The following TAMM41 variants were observed in gnomAD, a reference collection of about 807,000 sequenced individuals.
TAMM41 encodes TAM41 mitochondrial translocator assembly and maintenance homolog.
A neutral mutation model predicts 44.1 loss-of-function variants in TAMM41; 36 were observed. The observed-to-expected ratio is 0.82, with a 90% CI of 0.63 to 1.08. The LOEUF (loss-of-function observed/expected upper bound fraction) is 1.08. TAMM41 is among the 50% of genes least tolerant of loss of function. The pLI, the probability that TAMM41 is intolerant of heterozygous loss-of-function variation, is 0.00. For missense variants in TAMM41, 417 were observed against 404.3 expected, an observed-to-expected ratio of 1.03 and a Z score of -0.27; for synonymous variants, 164 against 153.1, an observed-to-expected ratio of 1.07 and a Z score of -0.53.
the TAMM41 span, among the ~76,000 whole-genome samples, chr3:11,758,322 A>T: frequency 6.6e-6 from 1 of 151,802 alleles, no homozygotes; most frequent in Admixed American, 6.6e-5. Context: ...GAGCAACATG[A>T]TCCGATCTGT....
chr3:11,798,965 AG>A (rs1188737119), intron 7 of TAMM41, among the ~76,000 whole-genome samples: 1 of 152,178 alleles, frequency 6.6e-6, no homozygotes, highest in Non-Finnish European at 1.5e-5. Context: ...CTATAATTCC[AG>A]CACTTTGGGA....
At chr3:11,786,800 C>A (rs1001342793), downstream of TAMM41, among the ~76,000 whole-genome samples, 3 of 151,578 alleles carry the variant, frequency 2.0e-5, no homozygotes, top group African/African-American at 7.3e-5. Flanking sequence ...CACTATGTTG[C>A]CTGGGCTGGT....
intron 1 of TAMM41, among the ~76,000 whole-genome samples, chr3:11,845,423 A>G (rs961211565): frequency 6.6e-6 from 1 of 152,172 alleles, no homozygotes; most frequent in East Asian, 1.9e-4. Flanking sequence ...GAAAACCTCC[A>G]TGGAAGAATG....
chr3:11,736,033 A>C, the TAMM41 span, among the ~76,000 whole-genome samples: 1 of 152,228 alleles, frequency 6.6e-6, no homozygotes, highest in Non-Finnish European at 1.5e-5. Context: ...CCTTCATGTA[A>C]CTGGAGAAGG....
chr3:11,782,892 C>A, the TAMM41 span, among the ~76,000 whole-genome samples: 2 of 152,176 alleles, frequency 1.3e-5, no homozygotes, highest in African/African-American at 4.8e-5. Context: ...GAGATTCAGT[C>A]CTGTGTGTCC....
the TAMM41 span, among the ~76,000 whole-genome samples, chr3:11,785,217 T>C: frequency 1.3e-5 from 2 of 152,170 alleles, no homozygotes; most frequent in African/African-American, 4.8e-5. Context: ...GTTTTGCTGA[T>C]TGGAGACCGT....
At chr3:11,771,986 A>G in the TAMM41 span, among the ~76,000 whole-genome samples, 1 of 152,128 alleles carries the variant, frequency 6.6e-6, no homozygotes, top group Non-Finnish European at 1.5e-5. Flanking sequence ...CATCACCCAA[A>G]TAGTGAACAC....
the TAMM41 span, among the ~76,000 whole-genome samples, chr3:11,781,300 T>C: frequency 6.6e-6 from 1 of 152,158 alleles, no homozygotes; most frequent in Non-Finnish European, 1.5e-5. Flanking sequence ...TGTCCTGTAG[T>C]GTTTGGAAAG....
chr3:11,778,602 TG>T, the TAMM41 span, among the ~76,000 whole-genome samples: 5 of 152,152 alleles, frequency 3.3e-5, no homozygotes, highest in African/African-American at 9.7e-5. Flanking sequence ...AAATAACACT[TG>T]TTTTTTTGTC....
At chr3:11,827,292 T>C (rs1325182342) in intron 4 of TAMM41, among the ~76,000 whole-genome samples, 1 of 136,946 alleles carries the variant, frequency 7.3e-6, no homozygotes, top group Non-Finnish European at 1.5e-5. Context: ...GAAAGCTTTC[T>C]TTCTTTCTTT....
the TAMM41 span, among the ~76,000 whole-genome samples, chr3:11,753,057 G>A: frequency 6.6e-6 from 1 of 152,120 alleles, no homozygotes; most frequent in South Asian, 2.1e-4. Flanking sequence ...GGATGAAGCT[G>A]ATAGGAGGAA....
chr3:11,804,071 A>T (rs1336249179), intron 7 of TAMM41, among the ~76,000 whole-genome samples: 1 of 152,184 alleles, frequency 6.6e-6, no homozygotes, highest in Non-Finnish European at 1.5e-5. Context: ...CGTTTTAAAA[A>T]TTAAAAAGAA....
chr3:11,819,700 G>A (rs772073677), intron 4 of TAMM41, among the ~76,000 whole-genome samples: 1 of 152,066 alleles, frequency 6.6e-6, no homozygotes, highest in Non-Finnish European at 1.5e-5. Context: ...TTCGAGACCA[G>A]CCTGGGCAAC....
At chr3:11,832,851 T>TGA (rs2079036812) in intron 3 of TAMM41, among the ~76,000 whole-genome samples, 4 of 152,188 alleles carry the variant, frequency 2.6e-5, no homozygotes, top group Non-Finnish European at 5.9e-5. Flanking sequence ...ATGCTAACAA[T>TGA]TCAAAGATGC....
the TAMM41 span, among the ~76,000 whole-genome samples, chr3:11,771,003 C>T: frequency 5.3e-5 from 8 of 152,040 alleles, no homozygotes; most frequent in Non-Finnish European, 7.4e-5. Context: ...AGCCCTGAGG[C>T]GGGCAGCTGG....
intron 2 of TAMM41, among the ~76,000 whole-genome samples, chr3:11,841,354 A>C (rs993624784): frequency 6.6e-6 from 1 of 152,138 alleles, no homozygotes; most frequent in Non-Finnish European, 1.5e-5. Flanking sequence ...AAGTGCTAGG[A>C]TTACAGGCAT....
chr3:11,835,990 CTTT>C (rs34707251), intron 3 of TAMM41, among the ~76,000 whole-genome samples: 6 of 137,866 alleles, frequency 4.4e-5, no homozygotes, highest in Non-Finnish European at 6.2e-5. Flanking sequence ...ATTCCTTTTC[CTTT>C]TTTTTTTTTT....
the TAMM41 span, among the ~76,000 whole-genome samples, chr3:11,752,369 G>A: frequency 6.6e-6 from 1 of 152,034 alleles, no homozygotes; most frequent in Non-Finnish European, 1.5e-5. Flanking sequence ...TGCTGCTGGT[G>A]GGGGGTGGCC....
the TAMM41 span, among the ~76,000 whole-genome samples, chr3:11,781,420 C>T: frequency 1.3e-4 from 19 of 151,956 alleles, no homozygotes; most frequent in Non-Finnish European, 1.9e-4. Flanking sequence ...CATGCTGAAG[C>T]GAAAGGGGAA....
Sources: gnomAD v4.1 joint callset for allele counts (sites outside exome capture counted in the v4.1 genomes callset) on GRCh38, gnomAD v4.1.1 for gene constraint, MANE v1.5 for transcripts, NCBI Gene and HGNC (gene_info 2026-07-23, HGNC 2026-07-21) for gene names.